Variants in FAM184A observed in about 807,000 individuals in gnomAD.
FAM184A encodes protein FAM184A.
Under a neutral mutation model 143.8 loss-of-function variants are expected in FAM184A, and 99 were observed. The observed-to-expected ratio is 0.69, with a 90% confidence interval of 0.58 to 0.81. The LOEUF (loss-of-function observed/expected upper bound fraction) is 0.81, where lower values mean the gene tolerates loss of function less well. FAM184A is among the 40% of genes least tolerant of loss of function. The probability of loss-of-function intolerance (pLI) is 0.00; values close to 1 mark genes in which losing one functional copy is unlikely to be tolerated. For synonymous variants in FAM184A, 427 were observed against 446.4 expected (o/e 0.96, Z 0.55); for missense variants, 1,217 against 1,310.5 (o/e 0.93, Z 1.10).
intron 1 of FAM184A, among the ~76,000 whole-genome samples, chr6:119,108,609 G>A (rs1389909642): frequency 6.6e-6 from 1 of 152,130 alleles, no homozygotes; most frequent in Non-Finnish European, 1.5e-5. Flanking sequence ...ATTGCAGGGA[G>A]TGCCTGCAAT....
chr6:119,139,671 GA>G (rs1772149267), intron 1 of FAM184A, among the ~76,000 whole-genome samples: 1 of 151,960 alleles, frequency 6.6e-6, no homozygotes, highest in Non-Finnish European at 1.5e-5. Context: ...AACCACTGGG[GA>G]TATTTGGTGA....
chr6:119,024,755 T>C lies in FAM184A; in HGVS notation c.218A>G (p.Lys73Arg), dbSNP rs765385387. 27 of 1,613,226 alleles carry C rather than the reference T, an allele frequency of 1.7e-5. No homozygotes were observed. The highest frequency in any genetic ancestry group is 1.3e-4 in the East Asian group (6 of 44,884). Residue 73 changes from lysine to arginine, a missense_variant, in exon 2 of 18, where the codon AAA becomes AGA. Transcript: ENST00000338891. ...DEHESAIQALKDAHEEEIQQI... is the reference protein window; with the variant it reads ...DEHESAIQALRDAHEEEIQQI... Reference sequence around the variant, plus strand: ...TTGAATTTCTTCTTCATGAGCATCTTTGAGGGCTTGAATTGCAGATTCATG... The same window carrying C: ...TTGAATTTCTTCTTCATGAGCATCTCTGAGGGCTTGAATTGCAGATTCATG...
intron 1 of FAM184A, among the ~76,000 whole-genome samples, chr6:119,063,611 AC>A (rs1240079749): frequency 6.6e-6 from 1 of 152,086 alleles, no homozygotes; most frequent in Non-Finnish European, 1.5e-5. Flanking sequence ...AACCTCTCTA[AC>A]ATTCAGTTTC....
Position 118,974,481 on chromosome 6 carries a change from ATCTGCCCGCATGATATTTTTC to A in FAM184A, c.2841_2861del (p.Glu947_Ala953del), listed in dbSNP as rs773729602. Reference sequence around the variant, plus strand: ...TGAGTAGCTCGTTAGTCTTATTAAAATCTGCCCGCATGATATTTTTCTCTCTGAGGTGGTCTGCTGTCATGA... The same window carrying A: ...TGAGTAGCTCGTTAGTCTTATTAAAATCTCTGAGGTGGTCTGCTGTCATGA... On this transcript the variant is annotated inframe_deletion, in exon 14 of 18. Transcript: ENST00000338891. 1.2e-6 allele frequency: 2 copies of A among 1,612,950 alleles called. No individual in the cohort carries two copies. The highest frequency in any genetic ancestry group is 1.7e-6 in the Non-Finnish European group (2 of 1,179,354).
chr6:119,038,787 C>T (rs1032740606), intron 1 of FAM184A, among the ~76,000 whole-genome samples: 3 of 152,122 alleles, frequency 2.0e-5, no homozygotes, highest in Admixed American at 6.5e-5. Context: ...GATCCAGGAA[C>T]CCTCTCTTGG....
chr6:119,123,442 T>C (rs1050136711), intron 1 of FAM184A, among the ~76,000 whole-genome samples: 1 of 151,962 alleles, frequency 6.6e-6, no homozygotes, highest in African/African-American at 2.4e-5. Flanking sequence ...AGGGGCAGTG[T>C]TGGGTGGTTG....
intron 1 of FAM184A, among the ~76,000 whole-genome samples, chr6:119,140,453 C>G (rs1391482758): frequency 4.6e-5 from 7 of 152,294 alleles, no homozygotes; most frequent in African/African-American, 1.7e-4. Flanking sequence ...CTTTGAAGGA[C>G]AAATGCACAG....
upstream of FAM184A, among the ~76,000 whole-genome samples, chr6:119,081,820 A>G (rs1206294199): frequency 6.6e-6 from 1 of 152,122 alleles, no homozygotes; most frequent in African/African-American, 2.4e-5. Context: ...CTATCAGTGC[A>G]TTGCTCTCAA....
chr6:119,106,361 C>G (rs555020331), intron 1 of FAM184A, among the ~76,000 whole-genome samples: 8 of 152,270 alleles, frequency 5.3e-5, no homozygotes, highest in Admixed American at 5.2e-4. Flanking sequence ...CCACTGCACT[C>G]CAGGGTGGGC....
At position 119,094,606 on chromosome 6, in the gene FAM184A, A is replaced by T. The variant is rs77268917; in HGVS notation, c.-202+54472T>A. Among the ~76,000 whole-genome samples the T allele has an allele frequency of 6.6e-5, 10 of 152,202 alleles. No homozygotes were observed. The East Asian group carries it at 1.9e-3, about 29-fold the overall frequency. On this transcript the variant is annotated intron_variant, in intron 1 of 16. Transcript: ENST00000352896. The stretch of plus-strand genomic sequence containing the variant: ...TGTTCCAGAATACCATCCCGAGGGG[A>T]TGCTTTCTCCAACTACACCAGATAT...
intron 9 of FAM184A, among the ~76,000 whole-genome samples, chr6:118,984,476 C>T (rs1784129221): frequency 6.6e-6 from 1 of 151,586 alleles, no homozygotes; most frequent in East Asian, 2.0e-4. Context: ...CTGTGCCCAG[C>T]CTACTTTTTA....
At chr6:119,146,263 G>T (rs187005859) in intron 1 of FAM184A, among the ~76,000 whole-genome samples, 1 of 152,192 alleles carries the variant, frequency 6.6e-6, no homozygotes, top group Admixed American at 6.5e-5. Flanking sequence ...CAAAATTAAT[G>T]ACTGAAATTT....
intron 1 of FAM184A, among the ~76,000 whole-genome samples, chr6:119,109,422 G>A (rs982120994): frequency 4.6e-5 from 7 of 152,116 alleles, no homozygotes; most frequent in Admixed American, 6.6e-5. Context: ...TCTGATTCTA[G>A]AATATTTTCT....
At chr6:119,017,560 C>T (rs1401821239) in intron 4 of FAM184A, among the ~76,000 whole-genome samples, 1 of 151,680 alleles carries the variant, frequency 6.6e-6, no homozygotes, top group African/African-American at 2.4e-5. Context: ...AATGGCTTAC[C>T]AGTTAACCCA....
chr6:119,135,681 A>G (rs1288976207), intron 1 of FAM184A, among the ~76,000 whole-genome samples: 1 of 152,138 alleles, frequency 6.6e-6, no homozygotes, highest in Non-Finnish European at 1.5e-5. Flanking sequence ...CAGTTCACAA[A>G]TGTTACTACA....
At chr6:119,122,694 G>T (rs1446431809) in intron 1 of FAM184A, among the ~76,000 whole-genome samples, 2 of 151,986 alleles carry the variant, frequency 1.3e-5, no homozygotes, top group Non-Finnish European at 2.9e-5. Flanking sequence ...GGCTGAAGGG[G>T]GTGGATTGCT....
At position 119,087,168 on chromosome 6, in the gene FAM184A, A is replaced by G. The variant is rs189191474; in HGVS notation, c.-202+61910T>C. ...GTAGCAGTTAAGGTTAAGAATTAAA[A>G]TTAGGATTGAGATGTGAGCTCAACA... is the stretch of plus-strand genomic sequence containing the variant. On this transcript the variant is annotated intron_variant, in intron 1 of 16. Coordinates refer to the FAM184A transcript ENST00000352896. Among the ~76,000 whole-genome samples, 34 of 152,336 alleles carry G rather than the reference A, an allele frequency of 2.2e-4. 1 individual carries two copies. The East Asian group carries it at 5.8e-3, about 26-fold the overall frequency.
upstream of FAM184A, among the ~76,000 whole-genome samples, chr6:119,083,059 C>T (rs1788115042): frequency 6.6e-6 from 1 of 152,236 alleles, no homozygotes; most frequent in Non-Finnish European, 1.5e-5. Context: ...CACCTGCAGG[C>T]CCAACACCAT....
chr6:119,083,392 T>A (rs1336806479), upstream of FAM184A, among the ~76,000 whole-genome samples: 1 of 152,224 alleles, frequency 6.6e-6, no homozygotes, highest in Non-Finnish European at 1.5e-5. Flanking sequence ...TTTTCTTTTC[T>A]ACCACAGGAT....
Sources: allele counts gnomAD v4.1 joint callset (sites outside exome capture counted in the v4.1 genomes callset), GRCh38; gene constraint gnomAD v4.1.1; transcripts MANE v1.5; gene names NCBI Gene and HGNC (gene_info 2026-07-23, HGNC 2026-07-21).